The following ZMYND11 variants were observed in gnomAD, a reference collection of about 807,000 sequenced individuals.
The protein encoded by ZMYND11 is zinc finger MYND domain-containing protein 11.
In ZMYND11, 9 loss-of-function variants were observed where a neutral mutation model predicts 84.9. The ratio of observed to expected loss-of-function variants is 0.11; its 90% CI spans 0.06 to 0.18. The LOEUF is 0.18. Ranked by LOEUF, ZMYND11 falls within the 10% of genes least tolerant of loss-of-function variation. ZMYND11 has a pLI of 1.00. For synonymous variants in ZMYND11, 250 were observed against 244.1 expected, an observed-to-expected ratio of 1.02 and a Z score of -0.23; for missense variants, 409 against 761.0, an observed-to-expected ratio of 0.54 and a Z score of 5.44.
rs563367432 is a variant in ZMYND11, at chr10:200,396, T to C, written c.117-9493T>C. 1.4e-3 allele frequency among the ~76,000 whole-genome samples: 205 copies of C among 146,876 alleles called. 1 individual carries two copies. The highest frequency in any genetic ancestry group is 4.6e-3 in the African/African-American group (184 of 40,314). On this transcript the variant is annotated intron_variant, in intron 2 of 14. Coordinates refer to ENST00000381604, the MANE Select transcript of ZMYND11 (RefSeq NM_001370100.5). ...TATATGTATATATAACAATATATAT[T>C]ATATATACACCCTATATATATAATA...
chr10:199,662 G>A (rs1942661962), intron 2 of ZMYND11, among the ~76,000 whole-genome samples: 1 of 151,896 alleles, frequency 6.6e-6, no homozygotes, highest in African/African-American at 2.4e-5. Flanking sequence ...CAAAATCCTG[G>A]GCTAAAGTGA....
intron 1 of ZMYND11, chr10:154,718 C>A (rs1451933987): frequency 2.0e-5 from 3 of 152,164 alleles, no homozygotes; most frequent in South Asian, 2.1e-4. Flanking sequence ...ATTTTTATAT[C>A]TTTTAATAGA....
chr10:246,672 A>T (rs1352890798), intron 10 of ZMYND11, 94 bp from the exon 11 acceptor site: 1 of 1,215,370 alleles, frequency 8.2e-7, no homozygotes, highest in Non-Finnish European at 1.2e-6. Context: ...CACAGGTCGC[A>T]CTTTATGGCA....
At chr10:222,965 T>G (rs575566985) in intron 4 of ZMYND11, among the ~76,000 whole-genome samples, 16 of 152,110 alleles carry the variant, frequency 1.1e-4, no homozygotes, top group Non-Finnish European at 2.1e-4. Context: ...TTGAAGAAAA[T>G]GTTTAATACT....
At chr10:249,137 G>T in intron 14 of ZMYND11, 49 bp downstream of exon 14, 8 of 1,610,412 alleles carry the variant, frequency 5.0e-6, no homozygotes, top group Non-Finnish European at 6.8e-6. Flanking sequence ...TGTACCACAG[G>T]TATGATGCCC....
At chr10:205,193 G>A (rs933031163) in intron 2 of ZMYND11, among the ~76,000 whole-genome samples, 3 of 152,084 alleles carry the variant, frequency 2.0e-5, no homozygotes, top group African/African-American at 4.8e-5. Flanking sequence ...GTTTTATTCT[G>A]TGTTCAGGTT....
chr10:141,525 A>G (rs1295243251), intron 1 of ZMYND11, among the ~76,000 whole-genome samples: 2 of 152,230 alleles, frequency 1.3e-5, no homozygotes, highest in African/African-American at 4.8e-5. Flanking sequence ...TTGTGTTAAG[A>G]TTACTTGCAA....
chr10:231,697 C>G (rs1380932536), intron 4 of ZMYND11, among the ~76,000 whole-genome samples: 3 of 152,208 alleles, frequency 2.0e-5, no homozygotes, highest in African/African-American at 7.2e-5. Context: ...TACCTAGAGT[C>G]ATCCGATTCA....
chr10:248,896 A>T lies in ZMYND11; in HGVS notation c.1501-7A>T. 6.2e-7 allele frequency: 1 copy of T among 1,602,144 alleles called. No individual in the cohort carries two copies. The highest frequency in any genetic ancestry group is 8.5e-7 in the Non-Finnish European group (1 of 1,173,768). ...CTGACGCACTGTGGGTTGTCTTTTC[A>T]TTCCAGCTGCGTTCTGAAATGGAAG... On this transcript the variant is annotated splice_region_variant and splice_polypyrimidine_tract_variant and intron_variant, in intron 13 of 14. Coordinates refer to ENST00000381604, the MANE Select transcript of ZMYND11 (RefSeq NM_001370100.5).
intron 1 of ZMYND11, among the ~76,000 whole-genome samples, chr10:177,501 G>A (rs1554767207): frequency 6.6e-6 from 1 of 151,904 alleles, no homozygotes; most frequent in Admixed American, 6.6e-5. Context: ...CTTTAATCTT[G>A]ATTTTAATCA....
At chr10:143,435 G>A (rs1374775712) in intron 1 of ZMYND11, among the ~76,000 whole-genome samples, 1 of 152,110 alleles carries the variant, frequency 6.6e-6, no homozygotes, top group Non-Finnish European at 1.5e-5. Flanking sequence ...GTTTTAGAGA[G>A]CAGGTCCTTA....
chr10:158,779 G>A (rs1025129770), intron 1 of ZMYND11, among the ~76,000 whole-genome samples: 1 of 151,758 alleles, frequency 6.6e-6, no homozygotes, highest in East Asian at 1.9e-4. Context: ...ATCTCATTGT[G>A]ATTTTGATTT....
intron 2 of ZMYND11, among the ~76,000 whole-genome samples, chr10:201,495 A>C (rs1156932537): frequency 6.6e-6 from 1 of 152,050 alleles, no homozygotes; most frequent in Non-Finnish European, 1.5e-5. Context: ...AGAAGGCTTA[A>C]AAGTAGGTAA....
chr10:231,997 A>G (rs1359763690), intron 4 of ZMYND11, among the ~76,000 whole-genome samples: 2 of 152,348 alleles, frequency 1.3e-5, no homozygotes, highest in Non-Finnish European at 2.9e-5. Context: ...TGTTACAGGG[A>G]GGCCTTGGTT....
At chr10:211,605 T>G (rs1178291110) in intron 3 of ZMYND11, among the ~76,000 whole-genome samples, 1 of 152,208 alleles carries the variant, frequency 6.6e-6, no homozygotes, top group African/African-American at 2.4e-5. Flanking sequence ...TGTTCACTTC[T>G]TTAACTTTGT....
At chr10:153,993 G>T (rs529484711) in intron 1 of ZMYND11, among the ~76,000 whole-genome samples, 1 of 152,190 alleles carries the variant, frequency 6.6e-6, no homozygotes, top group Non-Finnish European at 1.5e-5. Context: ...ACGTTTTCCT[G>T]ACCCTGTGTA....
chr10:248,662 G>A (rs1952704352), intron 13 of ZMYND11, 54 bp downstream of exon 13: 1 of 1,538,810 alleles, frequency 6.5e-7, no homozygotes, highest in Non-Finnish European at 8.7e-7. Context: ...TCCTGTCATG[G>A]TTAGGCTCCT....
At chr10:135,234 C>G (rs1451257187), upstream of ZMYND11, 2 of 151,004 alleles carry the variant, frequency 1.3e-5, no homozygotes, top group Non-Finnish European at 3.0e-5. The surrounding 1 kb of genome is among the most constrained non-coding windows in gnomAD (Gnocchi z 5.6). Context: ...CCTCCCGGCC[C>G]TCACCCCGCA....
chr10:247,202 T>G (rs182795015), intron 11 of ZMYND11, among the ~76,000 whole-genome samples, 196 bp from the exon 12 acceptor site: 5 of 152,314 alleles, frequency 3.3e-5, no homozygotes, highest in Admixed American at 1.3e-4. Context: ...CAAGTGCTCC[T>G]CTCTGAAGGT....
Sources: allele counts gnomAD v4.1 joint callset (sites outside exome capture counted in the v4.1 genomes callset), GRCh38; gene constraint gnomAD v4.1.1; non-coding constraint Gnocchi (gnomAD v3.1); transcripts MANE v1.5; gene names NCBI Gene and HGNC (gene_info 2026-07-23, HGNC 2026-07-21).